Variants in MYH11 observed in about 807,000 individuals in gnomAD.
MYH11 encodes myosin heavy chain 11.
In MYH11, 80 loss-of-function variants were observed where a neutral mutation model predicts 246.6. That is an observed-to-expected ratio of 0.32 (90% CI 0.27 to 0.39). MYH11 has a LOEUF of 0.39. Ranked by LOEUF, MYH11 falls within the 10% of genes least tolerant of loss-of-function variation. The pLI is 1.00. For missense variants in MYH11, 2,158 were observed against 2,546.8 expected (o/e 0.85, Z 3.29); for synonymous variants, 1,071 against 1,015.5 (o/e 1.05, Z -1.04).
intron 3 of MYH11, among the ~76,000 whole-genome samples, chr16:15,807,870 C>T (rs1217651017): frequency 6.6e-6 from 1 of 152,168 alleles, no homozygotes; most frequent in Non-Finnish European, 1.5e-5. Flanking sequence ...ACCCAGCTCC[C>T]CACAGACCAG....
chr16:15,776,815 C>T (rs1436421504), intron 7 of MYH11, among the ~76,000 whole-genome samples: 3 of 152,062 alleles, frequency 2.0e-5, no homozygotes, highest in African/African-American at 4.8e-5. Context: ...CTCCGCGATG[C>T]GGGGTGGCAG....
In MYH11 at chr16:15,756,793, C is replaced by CTTTTT. The variant is rs60486632; in HGVS notation, c.1576-284_1576-280dup. On this transcript the variant is annotated intron_variant, in intron 13 of 40. Transcript: ENST00000300036. ...GCAACATCATGAAGAGTTCATAACT[C>CTTTTT]TTTTTTTTTTTTTTTTTTTTTTGAG... 2.6e-4 allele frequency among the ~76,000 whole-genome samples: 22 copies of CTTTTT among 84,564 alleles called. 1 individual carries two copies. Among genetic ancestry groups the CTTTTT allele is most frequent in the African/African-American group, 9.3e-4 (21 of 22,652 alleles). The allele number at this position is 84,564 out of a possible 152,430, so 55.5% of individuals were successfully genotyped here. A position where few individuals can be genotyped will look rare whatever the true frequency, so the allele number is the denominator to read the frequency against.
At chr16:15,775,048 T>C (rs2042188357) in intron 8 of MYH11, among the ~76,000 whole-genome samples, 1 of 152,212 alleles carries the variant, frequency 6.6e-6, no homozygotes, top group African/African-American at 2.4e-5. Flanking sequence ...AAAGTCTGTA[T>C]TGTTCCCATA....
chr16:15,833,410 AG>A (rs2043804373), intron 2 of MYH11, among the ~76,000 whole-genome samples: 1 of 148,054 alleles, frequency 6.8e-6, no homozygotes. Flanking sequence ...GAAGGAAGGA[AG>A]GGAGGAACGA....
chr16:15,819,140 G>A (rs893026887), intron 3 of MYH11, among the ~76,000 whole-genome samples: 4 of 152,190 alleles, frequency 2.6e-5, no homozygotes, highest in Non-Finnish European at 5.9e-5. Context: ...CTCCCAAAGT[G>A]CTAGGACTGA....
chr16:15,845,910 T>C (rs1275783343), intron 1 of MYH11, among the ~76,000 whole-genome samples: 1 of 151,742 alleles, frequency 6.6e-6, no homozygotes, highest in Non-Finnish European at 1.5e-5. Context: ...TGGCCAACAT[T>C]GTGAAACCCT....
chr16:15,740,882 T>C (rs2041254567), intron 22 of MYH11, among the ~76,000 whole-genome samples: 1 of 152,158 alleles, frequency 6.6e-6, no homozygotes, highest in South Asian at 2.1e-4. Context: ...CTTTCTCCTC[T>C]CTCAGATCAC....
chr16:15,717,110 A>T, intron 38 of MYH11, 30 bp downstream of exon 38: 1 of 1,612,192 alleles, frequency 6.2e-7, no homozygotes, highest in East Asian at 2.2e-5. Flanking sequence ...CCCCCCTGCA[A>T]ACTGGGTTCG....
chr16:15,784,783 G>T, intron 5 of MYH11: 1 of 1,589,240 alleles, frequency 6.3e-7, no homozygotes, highest in Non-Finnish European at 8.6e-7. Context: ...GACATCAGGG[G>T]CTGGAGAATA....
intron 8 of MYH11, among the ~76,000 whole-genome samples, chr16:15,772,249 G>T (rs557148638): frequency 6.6e-6 from 1 of 151,574 alleles, no homozygotes; most frequent in Non-Finnish European, 1.5e-5. Flanking sequence ...CCGCCACCAC[G>T]CCCGGCTAAA....
At chr16:15,826,052 C>T (rs1375182178) in intron 2 of MYH11, among the ~76,000 whole-genome samples, 1 of 152,138 alleles carries the variant, frequency 6.6e-6, no homozygotes, top group East Asian at 1.9e-4. Context: ...CAGCACCAAG[C>T]CCAGCCTGGC....
chr16:15,723,921 C>T (rs1054649489), intron 31 of MYH11, among the ~76,000 whole-genome samples: 1 of 152,184 alleles, frequency 6.6e-6, no homozygotes, highest in African/African-American at 2.4e-5. Flanking sequence ...TGCAGGTGAC[C>T]CTCATGGTGC....
chr16:15,803,141 A>T (rs977954039), intron 3 of MYH11, among the ~76,000 whole-genome samples: 1 of 151,334 alleles, frequency 6.6e-6, no homozygotes, highest in Non-Finnish European at 1.5e-5. Flanking sequence ...CATCTCAAAG[A>T]AAAAAAAAGC....
intron 8 of MYH11, among the ~76,000 whole-genome samples, chr16:15,772,971 T>G (rs2042139133): frequency 6.6e-6 from 1 of 152,144 alleles, no homozygotes; most frequent in South Asian, 2.1e-4. Context: ...TGATTCTACA[T>G]TATGGTGACT....
rs535106487 is a variant in MYH11, at chr16:15,741,970, C to T, written c.2521-79G>A. 4.4e-4 allele frequency: 689 copies of T among 1,578,562 alleles called. 1 individual carries two copies. The highest frequency in any genetic ancestry group is 6.3e-4 in the Admixed American group (34 of 54,182). ...TCATAATAAATTCGATCAGTGGTTC[C>T]GAGCCAGGGACAATGTTGCCCCCAC... On this transcript the variant is annotated intron_variant, in intron 20 of 40. Transcript: ENST00000300036.
Position 15,829,209 on chromosome 16 carries a change from A to G in MYH11, c.346-5798T>C, listed in dbSNP as rs931000917. On this transcript the variant is annotated intron_variant, in intron 2 of 40. Transcript: ENST00000300036. ...GAAAAAAAAAAAAAGAATAAAATGA[A>G]TTTTTAAAAAGAAGGAAGGACCACA... Among the ~76,000 whole-genome samples, 7 of 152,168 alleles carry G rather than the reference A, an allele frequency of 4.6e-5. No individual in the cohort carries two copies. The South Asian group carries it at 1.2e-3, about 27-fold the overall frequency.
chr16:15,778,791 T>TAAGGA lies in MYH11; in HGVS notation c.778_779insTCCTT (p.Asn260IlefsTer9), dbSNP rs751172470. ...CAGGGAAAGGATACAGGTCTCAATG[T>TAAGGA]TGGCTCCCACGATGTAACCCGTGAC... On this transcript the variant is annotated frameshift_variant, in exon 7 of 41. Transcript: ENST00000300036. LOFTEE classifies it high-confidence loss of function. The TAAGGA allele has an allele frequency of 6.2e-7, 1 of 1,614,154 alleles. No individual in the cohort carries two copies. Among genetic ancestry groups the TAAGGA allele is most frequent in the East Asian group, 2.2e-5 (1 of 44,874 alleles).
chr16:15,753,328 G>A (rs533156999), intron 15 of MYH11, 66 bp downstream of exon 15: 38 of 1,417,018 alleles, frequency 2.7e-5, no homozygotes, highest in South Asian at 7.0e-5. Flanking sequence ...TGTGAGAGTC[G>A]GGGGACTTGG....
intron 6 of MYH11, among the ~76,000 whole-genome samples, chr16:15,781,804 G>A (rs561864494): frequency 2.0e-5 from 3 of 152,216 alleles, no homozygotes; most frequent in African/African-American, 7.2e-5. Context: ...TGTGAGACTC[G>A]CTGAGTGCCT....
Sources: allele counts gnomAD v4.1 joint callset (sites outside exome capture counted in the v4.1 genomes callset), GRCh38; gene constraint gnomAD v4.1.1; transcripts MANE v1.5; gene names NCBI Gene and HGNC (gene_info 2026-07-23, HGNC 2026-07-21).